SEMA3E: variants seen among roughly 807,000 people sequenced by gnomAD.
The protein encoded by SEMA3E is semaphorin 3E, also known as semaphorin-3E.
A neutral mutation model predicts 93.6 loss-of-function variants in SEMA3E; 49 were observed. That is an observed-to-expected ratio of 0.52 (90% CI 0.42 to 0.66). The LOEUF (loss-of-function observed/expected upper bound fraction) is 0.66. SEMA3E is among the 30% of genes least tolerant of loss of function. The pLI is 0.00. For missense variants in SEMA3E, 906 were observed against 964.8 expected (o/e 0.94, Z 0.81); for synonymous variants, 363 against 330.7 (o/e 1.10, Z -1.06).
chr7:83,586,551 T>C (rs1283477158), intron 1 of SEMA3E, among the ~76,000 whole-genome samples: 1 of 151,834 alleles, frequency 6.6e-6, no homozygotes, highest in East Asian at 1.9e-4. Flanking sequence ...AAGTTCTTTC[T>C]AGTTGTTGTA....
intron 13 of SEMA3E, among the ~76,000 whole-genome samples, chr7:83,393,634 T>A (rs1366652455): frequency 6.6e-6 from 1 of 152,194 alleles, no homozygotes; most frequent in Non-Finnish European, 1.5e-5. Flanking sequence ...TGTATATCTA[T>A]CTATCTATCT....
intron 3 of SEMA3E, among the ~76,000 whole-genome samples, chr7:83,468,056 C>T (rs1361285556): frequency 1.3e-5 from 2 of 152,110 alleles, no homozygotes; most frequent in African/African-American, 2.4e-5. Flanking sequence ...TCAATACATG[C>T]AATCATCAGT....
chr7:83,645,517 G>A lies in SEMA3E; in HGVS notation c.115+2911C>T, dbSNP rs146461675. ...CTAGAAAATACATTAAAAGATTTAT[G>A]TATTGCTTCAACAAGAGTAATTATC... On this transcript the variant is annotated intron_variant, in intron 1 of 16. Transcript: ENST00000643230. Among the ~76,000 whole-genome samples the A allele has an allele frequency of 6.2e-3, 938 of 152,088 alleles. 10 individuals carry two copies. The highest frequency in any genetic ancestry group is 0.022 in the African/African-American group (906 of 41,534).
At chr7:83,432,435 G>A (rs1788905845) in intron 4 of SEMA3E, among the ~76,000 whole-genome samples, 1 of 152,134 alleles carries the variant, frequency 6.6e-6, no homozygotes, top group South Asian at 2.1e-4. Context: ...GTGAAAGAAT[G>A]TTAACAGAGA....
At chr7:83,398,382 A>G (rs1056362519) in intron 11 of SEMA3E, among the ~76,000 whole-genome samples, 3 of 152,210 alleles carry the variant, frequency 2.0e-5, no homozygotes, top group Non-Finnish European at 4.4e-5. Context: ...CTTTTGCACC[A>G]AACTAATACT....
chr7:83,567,856 C>T (rs575940394), intron 1 of SEMA3E, among the ~76,000 whole-genome samples: 1 of 151,460 alleles, frequency 6.6e-6, no homozygotes, highest in Admixed American at 6.6e-5. Context: ...ACTAAAAAAG[C>T]AATATTAAAC....
intron 1 of SEMA3E, among the ~76,000 whole-genome samples, chr7:83,534,288 T>C (rs1253230221): frequency 6.6e-6 from 1 of 152,006 alleles, no homozygotes; most frequent in Non-Finnish European, 1.5e-5. Context: ...GGCTCAGGCA[T>C]TAGGATTTTT....
chr7:83,483,930 C>A lies in SEMA3E; in HGVS notation c.276+6184G>T, dbSNP rs569873211. Among the ~76,000 whole-genome samples the A allele has an allele frequency of 1.2e-4, 19 of 152,286 alleles. No homozygotes were observed. In the South Asian group the frequency reaches 3.9e-3, roughly 32 times the overall value. On this transcript the variant is annotated intron_variant, in intron 2 of 16. Transcript: ENST00000643230. ...CCATAGTCACCATGGGAAGTATTGA[C>A]CCGACCCACTTCCAGGTCAACAGTG...
At chr7:83,405,842 G>A (rs1211398969) in intron 8 of SEMA3E, 103 bp downstream of exon 8, 1 of 906,334 alleles carries the variant, frequency 1.1e-6, no homozygotes, top group Non-Finnish European at 1.8e-6. Context: ...ATGTTAGATA[G>A]AGGTCAAATA....
chr7:83,390,990 T>C (rs1401119840), intron 14 of SEMA3E, among the ~76,000 whole-genome samples: 5 of 152,160 alleles, frequency 3.3e-5, no homozygotes, highest in Non-Finnish European at 7.4e-5. Context: ...TTCATAAGCA[T>C]TTGGTGCAAG....
chr7:83,414,463 G>C (rs1788503145), intron 5 of SEMA3E, among the ~76,000 whole-genome samples: 1 of 151,706 alleles, frequency 6.6e-6, no homozygotes, highest in African/African-American at 2.4e-5. Flanking sequence ...TCATAATAAG[G>C]ATATATATTC....
chr7:83,480,427 AAAAT>A (rs1457192636), intron 2 of SEMA3E, among the ~76,000 whole-genome samples: 1 of 152,096 alleles, frequency 6.6e-6, no homozygotes, highest in African/African-American at 2.4e-5. Flanking sequence ...GACTCTGTCT[AAAAT>A]AAATAAATAA....
chr7:83,431,742 T>C (rs1387782645), intron 4 of SEMA3E, among the ~76,000 whole-genome samples: 1 of 152,222 alleles, frequency 6.6e-6, no homozygotes, highest in Non-Finnish European at 1.5e-5. Context: ...AATTTCCAAA[T>C]GACGTTTTTG....
chr7:83,382,971 G>A (rs1283702404), intron 16 of SEMA3E, among the ~76,000 whole-genome samples: 1 of 151,902 alleles, frequency 6.6e-6, no homozygotes, highest in African/African-American at 2.4e-5. Context: ...TGAATATGTT[G>A]CTTCTGGATA....
intron 4 of SEMA3E, among the ~76,000 whole-genome samples, chr7:83,446,221 C>T (rs900850854): frequency 6.6e-6 from 1 of 152,120 alleles, no homozygotes; most frequent in Non-Finnish European, 1.5e-5. Flanking sequence ...CCCATCCACC[C>T]TCCAGAATAG....
chr7:83,567,598 A>T (rs1180765926), intron 1 of SEMA3E, among the ~76,000 whole-genome samples: 1 of 152,180 alleles, frequency 6.6e-6, no homozygotes, highest in Non-Finnish European at 1.5e-5. Context: ...GTCAGTAACA[A>T]GAAGAACTTT....
intron 2 of SEMA3E, among the ~76,000 whole-genome samples, chr7:83,480,224 T>C (rs2115937283): frequency 6.6e-6 from 1 of 152,290 alleles, no homozygotes; most frequent in African/African-American, 2.4e-5. Flanking sequence ...GTAGATTACC[T>C]GAGGTCAGGA....
intron 4 of SEMA3E, among the ~76,000 whole-genome samples, chr7:83,450,189 A>G (rs146791715): frequency 6.6e-6 from 1 of 152,308 alleles, no homozygotes; most frequent in African/African-American, 2.4e-5. Context: ...AATAGGTACA[A>G]TGACTCAAAA....
chr7:83,408,090 T>G (rs1209528407), intron 6 of SEMA3E, among the ~76,000 whole-genome samples: 3 of 152,180 alleles, frequency 2.0e-5, no homozygotes, highest in African/African-American at 7.2e-5. Flanking sequence ...GACTTTTCAC[T>G]TTTCATACAT....
Sources: gnomAD v4.1 joint callset for allele counts (sites outside exome capture counted in the v4.1 genomes callset) on GRCh38, gnomAD v4.1.1 for gene constraint, MANE v1.5 for transcripts, NCBI Gene and HGNC (gene_info 2026-07-23, HGNC 2026-07-21) for gene names.